The following TRIM22 variants were observed in gnomAD, a reference collection of about 807,000 sequenced individuals.
TRIM22 encodes the protein E3 ubiquitin-protein ligase TRIM22.
A neutral mutation model predicts 53.6 loss-of-function variants in TRIM22; 45 were observed. That is an observed-to-expected ratio of 0.84 (90% CI 0.66 to 1.08). The LOEUF (loss-of-function observed/expected upper bound fraction) is 1.08, where lower values mean the gene tolerates loss of function less well. TRIM22 is among the 50% of genes least tolerant of loss of function. TRIM22 has a pLI of 0.00. For synonymous variants in TRIM22, 225 were observed against 216.6 expected (o/e 1.04, Z -0.34); for missense variants, 616 against 590.9 (o/e 1.04, Z -0.44).
intron 1 of TRIM22, among the ~76,000 whole-genome samples, chr11:5,692,975 A>G (rs945059448): frequency 6.6e-6 from 1 of 150,456 alleles, no homozygotes; most frequent in Admixed American, 6.6e-5. Context: ...TCCTGGGTTC[A>G]AGTGATTCTC....
At chr11:5,700,916 T>C (rs1456168032) in intron 4 of TRIM22, among the ~76,000 whole-genome samples, 1 of 150,062 alleles carries the variant, frequency 6.7e-6, no homozygotes, top group Non-Finnish European at 1.5e-5. Context: ...CTTTTTATCA[T>C]GAATGGTGTG....
At chr11:5,697,995 G>A in intron 3 of TRIM22, 1 of 270,210 alleles carries the variant, frequency 3.7e-6, no homozygotes, top group South Asian at 4.7e-5. Flanking sequence ...GAGCCACTGT[G>A]CCAGGCCAGG....
At chr11:5,695,761 C>T (rs899079165) in intron 1 of TRIM22, among the ~76,000 whole-genome samples, 2 of 151,998 alleles carry the variant, frequency 1.3e-5, no homozygotes, top group African/African-American at 4.8e-5. Context: ...ATTGGGGATA[C>T]AATCATGCCA....
chr11:5,709,209 G>A lies in TRIM22; in HGVS notation c.1058G>A (p.Gly353Glu), dbSNP rs1313782888. ...TTCGGCTGCCAATATTTCTCTTCGG[G>A]GAAATATTACTGGGAAGTAGATGTG... ...GVFGCQYFSS[G>E]KYYWEVDVSG... Residue 353 changes from glycine to glutamate, a missense_variant, in exon 8 of 8, where the codon GGG becomes GAG. Coordinates refer to ENST00000379965, the MANE Select transcript of TRIM22 (RefSeq NM_006074.5). 1.9e-6 allele frequency: 3 copies of A among 1,614,038 alleles called. No homozygotes were observed. Among genetic ancestry groups the A allele is most frequent in the Middle Eastern group, 1.6e-4 (1 of 6,062 alleles).
intron 2 of TRIM22, 63 bp from the exon 3 acceptor site, chr11:5,697,185 T>C: frequency 7.9e-7 from 1 of 1,272,302 alleles, no homozygotes; most frequent in Non-Finnish European, 1.1e-6. Flanking sequence ...TCTTCCTTGC[T>C]GTCCTCTATT....
chr11:5,693,656 A>T (rs1266088099), intron 1 of TRIM22, among the ~76,000 whole-genome samples: 2 of 135,672 alleles, frequency 1.5e-5, no homozygotes, highest in Non-Finnish European at 3.1e-5. Context: ...CGAGAGGCGG[A>T]GCTGGCAAGG....
At chr11:5,691,489 G>A (rs776075392) in intron 1 of TRIM22, among the ~76,000 whole-genome samples, 2 of 152,170 alleles carry the variant, frequency 1.3e-5, no homozygotes, top group African/African-American at 2.4e-5. Context: ...GTGTGGCCCC[G>A]GGCTGTCTGC....
chr11:5,696,277 C>A lies in TRIM22; in HGVS notation c.45C>A (p.Cys15Ter). The A allele has an allele frequency of 5.0e-6, 8 of 1,613,842 alleles. No individual in the cohort carries two copies. Among genetic ancestry groups the A allele is most frequent in the Non-Finnish European group, 6.8e-6 (8 of 1,179,854 alleles). ...VKVDIEKEVT[C>*]PICLELLTEP... ...TAGACATAGAGAAGGAGGTGACCTGCCCCATCTGCCTGGAGCTCCTGACAG... is the reference window on the plus strand; with the variant it reads ...TAGACATAGAGAAGGAGGTGACCTGACCCATCTGCCTGGAGCTCCTGACAG... Residue 15 changes from cysteine to a stop codon, truncating the protein, a stop_gained, in exon 2 of 8, where the codon TGC becomes TGA. Transcript: ENST00000379965. LOFTEE classifies it high-confidence loss of function.
chr11:5,706,525 G>T, intron 4 of TRIM22, 69 bp from the exon 5 acceptor site: 1 of 1,506,878 alleles, frequency 6.6e-7, no homozygotes, highest in South Asian at 1.2e-5. Flanking sequence ...AATTCTAATT[G>T]AACTAGCCAC....
At chr11:5,701,707 G>A (rs1853375221) in intron 4 of TRIM22, among the ~76,000 whole-genome samples, 1 of 152,062 alleles carries the variant, frequency 6.6e-6, no homozygotes, top group African/African-American at 2.4e-5. Flanking sequence ...AAAGCTCAGA[G>A]CCCAAAATCA....
rs745511656 is a variant in TRIM22, at chr11:5,708,563, T to C, written c.875-14T>C. 10 of 1,601,088 alleles carry C rather than the reference T, an allele frequency of 6.2e-6. No homozygotes were observed. The highest frequency in any genetic ancestry group is 7.7e-6 in the Non-Finnish European group (9 of 1,176,392). On this transcript the variant is annotated splice_polypyrimidine_tract_variant and intron_variant, in intron 6 of 7. Coordinates refer to ENST00000379965, the MANE Select transcript of TRIM22 (RefSeq NM_006074.5). ...TTGCTTCTAACAACATCACTGAAACTTTTGTCGTTTCAGAGCTGACAGATG... is the reference window on the plus strand; with the variant it reads ...TTGCTTCTAACAACATCACTGAAACCTTTGTCGTTTCAGAGCTGACAGATG...
At position 5,699,481 on chromosome 11, in the gene TRIM22, G is replaced by A. The variant is rs1343097296; in HGVS notation, c.750+936G>A. On this transcript the variant is annotated intron_variant, in intron 4 of 7. Transcript: ENST00000379965. ...GGAGCTTGCAATGAACCGAGATTGC[G>A]CCACTGCAGTCCGCAGTCCGGCCTG... Among the ~76,000 whole-genome samples the A allele has an allele frequency of 1.4e-4, 16 of 110,542 alleles. No homozygotes were observed. The East Asian group carries it at 3.7e-3, about 25-fold the overall frequency. The allele number at this position is 110,542 out of a possible 152,430, so 72.5% of individuals were successfully genotyped here. A position where few individuals can be genotyped will look rare whatever the true frequency, so the allele number is the denominator to read the frequency against.
At chr11:5,689,939 T>G (rs1392049527) in intron 1 of TRIM22, 40 bp downstream of exon 1, 2 of 152,266 alleles carry the variant, frequency 1.3e-5, no homozygotes, top group Admixed American at 1.3e-4. Flanking sequence ...ATGGGAGGCT[T>G]TGAGAAGAAT....
intron 3 of TRIM22, 58 bp from the exon 4 acceptor site, chr11:5,698,257 T>C: frequency 2.8e-6 from 4 of 1,431,914 alleles, no homozygotes; most frequent in Non-Finnish European, 3.9e-6. Flanking sequence ...CCCAGGCTCA[T>C]ACAAAGCAGG....
intron 1 of TRIM22, among the ~76,000 whole-genome samples, chr11:5,690,130 A>G (rs1019316994): frequency 2.0e-5 from 3 of 152,212 alleles, no homozygotes; most frequent in African/African-American, 7.2e-5. Context: ...TGTTTCCTAG[A>G]GGGACCATTC....
intron 1 of TRIM22, among the ~76,000 whole-genome samples, chr11:5,690,853 G>A (rs1476814311): frequency 6.6e-6 from 1 of 152,210 alleles, no homozygotes; most frequent in Non-Finnish European, 1.5e-5. Flanking sequence ...AGGGATGAGA[G>A]CCCTTATCTG....
At chr11:5,702,037 C>T (rs1184166086) in intron 4 of TRIM22, among the ~76,000 whole-genome samples, 1 of 148,442 alleles carries the variant, frequency 6.7e-6, no homozygotes, top group Non-Finnish European at 1.5e-5. Context: ...TCTTTCCTCT[C>T]TTAGCTTATT....
chr11:5,706,693 A>G (rs1367878625), intron 5 of TRIM22, 77 bp downstream of exon 5: 7 of 1,401,008 alleles, frequency 5.0e-6, no homozygotes, highest in Non-Finnish European at 6.8e-6. Flanking sequence ...TCCTTCAATC[A>G]GAACAACTTA....
chr11:5,697,359 T>G lies in TRIM22; in HGVS notation c.519+16T>G. ...CGCCTGGAAGGCAGGAGGAGACACC[T>G]CCTAAGGGATAATTAGACAGGAATC... On this transcript the variant is annotated intron_variant, in intron 3 of 7. Coordinates refer to ENST00000379965, the MANE Select transcript of TRIM22 (RefSeq NM_006074.5). 6.3e-7 allele frequency: 1 copy of G among 1,590,984 alleles called. No homozygotes were observed.
Sources: gnomAD v4.1 joint callset for allele counts (sites outside exome capture counted in the v4.1 genomes callset) on GRCh38, gnomAD v4.1.1 for gene constraint, MANE v1.5 for transcripts, NCBI Gene and HGNC (gene_info 2026-07-23, HGNC 2026-07-21) for gene names.